The following SPSB1 variants were observed in gnomAD, a reference collection of about 807,000 sequenced individuals.
The protein encoded by SPSB1 is SPRY domain-containing SOCS box protein 1.
SPSB1 carries 8 observed loss-of-function variants against 21.2 expected under a neutral mutation model. The ratio of observed to expected loss-of-function variants is 0.38; its 90% CI spans 0.22 to 0.68. SPSB1 has a LOEUF of 0.68. Ranked by LOEUF, SPSB1 falls within the 30% of genes least tolerant of loss-of-function variation. The probability of loss-of-function intolerance (pLI) is 0.53; values close to 1 mark genes in which losing one functional copy is unlikely to be tolerated. For synonymous variants in SPSB1, 169 were observed against 161.7 expected (o/e 1.05, Z -0.34); for missense variants, 242 against 377.8 (o/e 0.64, Z 2.98).
chr1:9,313,509 G>A (rs969005113), intron 1 of SPSB1, among the ~76,000 whole-genome samples: 1 of 152,220 alleles, frequency 6.6e-6, no homozygotes, highest in Admixed American at 6.5e-5. Flanking sequence ...CCGAACTGCT[G>A]CCCACATGAC....
chr1:9,313,409 T>G (rs1316776591), intron 1 of SPSB1, among the ~76,000 whole-genome samples: 1 of 152,124 alleles, frequency 6.6e-6, no homozygotes, highest in African/African-American at 2.4e-5. Context: ...CTTCATTTTC[T>G]ATAAAATGAA....
In SPSB1 at chr1:9,363,243, T is replaced by G. The variant is rs562335653; in HGVS notation, c.695-4205T>G. Reference sequence around the variant, plus strand: ...CAAGATCAAGGAGGCGTGACCTGTTTATGTACTTGAGGACCCAGAGAAGAG... The same window carrying G: ...CAAGATCAAGGAGGCGTGACCTGTTGATGTACTTGAGGACCCAGAGAAGAG... On this transcript the variant is annotated intron_variant, in intron 2 of 2. Transcript: ENST00000328089. This position sits in a 1 kb window ranked among gnomAD's most constrained non-coding sequence, Gnocchi z 4.5. 1.2e-4 allele frequency among the ~76,000 whole-genome samples: 18 copies of G among 152,310 alleles called. No individual in the cohort carries two copies. The South Asian group carries it at 3.7e-3, about 32-fold the overall frequency.
intron 2 of SPSB1, among the ~76,000 whole-genome samples, chr1:9,360,848 A>G (rs890712767): frequency 6.6e-6 from 1 of 152,188 alleles, no homozygotes; most frequent in South Asian, 2.1e-4. Context: ...ACACTGGTCA[A>G]CCCGCTTCAG....
intron 1 of SPSB1, among the ~76,000 whole-genome samples, chr1:9,309,231 T>TC (rs1639473311): frequency 1.9e-3 from 1 of 520 alleles, no homozygotes; most frequent in East Asian, 0.12. Context: ...ATAAGCTAGA[T>TC]CCCCCCTCAA....
intron 1 of SPSB1, among the ~76,000 whole-genome samples, chr1:9,353,849 C>T (rs149729030): frequency 0.012 from 1,793 of 150,808 alleles, 40 homozygotes; most frequent in African/African-American, 0.04. Flanking sequence ...ACCCAGGAAG[C>T]GGAGGTTGCA....
intron 1 of SPSB1, among the ~76,000 whole-genome samples, chr1:9,300,116 T>G (rs942085107): frequency 2.6e-5 from 4 of 152,100 alleles, no homozygotes; most frequent in African/African-American, 9.7e-5. Flanking sequence ...CTACTGAAAT[T>G]CGGGGACCTT....
At chr1:9,325,222 A>ACCCC (rs1200612130) in intron 1 of SPSB1, among the ~76,000 whole-genome samples, 2 of 23,458 alleles carry the variant, frequency 8.5e-5, no homozygotes, top group Non-Finnish European at 1.7e-4. Flanking sequence ...GCCTCCCACC[A>ACCCC]CCACCCCCCC....
At chr1:9,312,025 C>A (rs571249922) in intron 1 of SPSB1, among the ~76,000 whole-genome samples, 6 of 152,256 alleles carry the variant, frequency 3.9e-5, no homozygotes, top group Admixed American at 6.5e-5. Context: ...TCTCTGTCAC[C>A]CAGGCTGGAG....
At chr1:9,306,902 T>C (rs1569572632) in intron 1 of SPSB1, among the ~76,000 whole-genome samples, 1 of 148,796 alleles carries the variant, frequency 6.7e-6, no homozygotes, top group African/African-American at 2.5e-5. Context: ...TTAGGGTGTC[T>C]TTTTTCTTTT....
intron 2 of SPSB1, among the ~76,000 whole-genome samples, chr1:9,364,675 G>A (rs1557468625): frequency 6.6e-6 from 1 of 152,322 alleles, no homozygotes; most frequent in South Asian, 2.1e-4. Flanking sequence ...AGCTGGCCAC[G>A]AAAGGCCCCC....
rs1639958280 is a variant in SPSB1 at position 9,333,605 on chromosome 1, A to T, written c.-149-22138A>T. ...CTCGGCCTCCCAAAGTGCTGGGATT[A>T]CAAGCGTGAGCCACCATGCCCGCCC... On this transcript the variant is annotated intron_variant, in intron 1 of 2. Transcript: ENST00000328089. 2.0e-5 allele frequency among the ~76,000 whole-genome samples: 3 copies of T among 152,184 alleles called. No homozygotes were observed. In the South Asian group the frequency reaches 6.2e-4, roughly 31 times the overall value.
At chr1:9,329,237 G>A (rs537300712) in intron 1 of SPSB1, among the ~76,000 whole-genome samples, 13 of 152,296 alleles carry the variant, frequency 8.5e-5, no homozygotes, top group African/African-American at 3.1e-4. Context: ...GGGTTTGTGG[G>A]TGGGGGGAAA....
intron 1 of SPSB1, among the ~76,000 whole-genome samples, chr1:9,329,323 C>T (rs1299933342): frequency 1.3e-5 from 2 of 151,836 alleles, no homozygotes; most frequent in South Asian, 2.1e-4. Flanking sequence ...GATGGGTGGA[C>T]GTGTGTGAGT....
chr1:9,315,234 C>T (rs957291425), intron 1 of SPSB1, among the ~76,000 whole-genome samples: 3 of 152,204 alleles, frequency 2.0e-5, no homozygotes, highest in Non-Finnish European at 2.9e-5. Context: ...AGCAGTAGGG[C>T]TGGGAACCAG....
chr1:9,363,646 C>G lies in SPSB1; in HGVS notation c.695-3802C>G, dbSNP rs866657421. 5.9e-5 allele frequency among the ~76,000 whole-genome samples: 9 copies of G among 152,224 alleles called. No individual in the cohort carries two copies. Among genetic ancestry groups the G allele is most frequent in the Middle Eastern group, 3.4e-3 (1 of 294 alleles). On this transcript the variant is annotated intron_variant, in intron 2 of 2. Coordinates refer to ENST00000328089, the MANE Select transcript of SPSB1 (RefSeq NM_025106.4). The surrounding 1 kb of genome is among the most constrained non-coding windows in gnomAD (Gnocchi z 4.5). Reference sequence around the variant, plus strand: ...GGCTGGGGCTGCGGTGTCAGCCACTCAAAATAAGGCACTGGATGGAGCTGG... The same window carrying G: ...GGCTGGGGCTGCGGTGTCAGCCACTGAAAATAAGGCACTGGATGGAGCTGG...
intron 1 of SPSB1, among the ~76,000 whole-genome samples, chr1:9,341,779 C>T (rs1360936164): frequency 2.0e-5 from 3 of 152,148 alleles, no homozygotes; most frequent in Admixed American, 1.3e-4. Flanking sequence ...CTCGTCTCAC[C>T]GCAATCTCCA....
intron 1 of SPSB1, among the ~76,000 whole-genome samples, chr1:9,298,518 G>A (rs956783459): frequency 7.2e-5 from 11 of 152,358 alleles, no homozygotes; most frequent in Admixed American, 3.3e-4. Context: ...GTACACTAGA[G>A]AAAGTTTATG....
chr1:9,302,013 G>T (rs533327667), intron 1 of SPSB1, among the ~76,000 whole-genome samples: 1 of 152,230 alleles, frequency 6.6e-6, no homozygotes, highest in Non-Finnish European at 1.5e-5. Context: ...CACGCTGTCC[G>T]TGTAGCACTG....
intron 1 of SPSB1, among the ~76,000 whole-genome samples, chr1:9,335,579 T>C (rs1043283142): frequency 6.6e-6 from 1 of 150,418 alleles, no homozygotes; most frequent in Non-Finnish European, 1.5e-5. Flanking sequence ...GATTCCAAGG[T>C]GGGAGGGTTA....
Sources: gnomAD v4.1 joint callset for allele counts (sites outside exome capture counted in the v4.1 genomes callset) on GRCh38, gnomAD v4.1.1 for gene constraint, Gnocchi (gnomAD v3.1) non-coding constraint, MANE v1.5 for transcripts, NCBI Gene and HGNC (gene_info 2026-07-23, HGNC 2026-07-21) for gene names.